Variants in ZEB1 observed in about 807,000 individuals in gnomAD.
ZEB1 encodes the protein zinc finger E-box binding homeobox 1.
Under a neutral mutation model 84.9 loss-of-function variants are expected in ZEB1, and 21 were observed. That is an observed-to-expected ratio of 0.25 (90% CI 0.18 to 0.36). ZEB1 has a LOEUF of 0.36. Among genes scored for constraint, ZEB1 ranks in the 10% least tolerant of loss-of-function variants. ZEB1 has a pLI of 1.00. For missense variants in ZEB1, 1,104 were observed against 1,330.2 expected (o/e 0.83, Z 2.65); for synonymous variants, 420 against 471.1 (o/e 0.89, Z 1.41).
intron 2 of ZEB1, among the ~76,000 whole-genome samples, chr10:31,493,936 T>C (rs1261940626): frequency 6.6e-6 from 1 of 151,992 alleles, no homozygotes; most frequent in Non-Finnish European, 1.5e-5. Flanking sequence ...AACAAATAAA[T>C]TAATCAAATT....
intron 2 of ZEB1, among the ~76,000 whole-genome samples, chr10:31,493,887 G>C (rs1362021167): frequency 2.6e-5 from 4 of 151,984 alleles, no homozygotes; most frequent in Admixed American, 2.0e-4. Context: ...CATCTAAAGA[G>C]CCTAGAATTT....
chr10:31,344,051 T>A (rs2133675403), intron 1 of ZEB1, among the ~76,000 whole-genome samples: 1 of 152,170 alleles, frequency 6.6e-6, no homozygotes, highest in Admixed American at 6.6e-5. Context: ...GTCTTCTCCA[T>A]ACTTTTTCTG....
At chr10:31,381,079 T>G (rs1263608329) in intron 1 of ZEB1, among the ~76,000 whole-genome samples, 1 of 152,188 alleles carries the variant, frequency 6.6e-6, no homozygotes, top group East Asian at 1.9e-4. Flanking sequence ...TAAATGGTGA[T>G]AAACTTAAAT....
chr10:31,406,691 G>T lies in ZEB1; in HGVS notation c.59-54346G>T, dbSNP rs1377874509. ...TCTTTTGCTGTGCAGAAGCTCTTTA[G>T]TTTAATTACATTCATTTGTCAATTT... On this transcript the variant is annotated intron_variant, in intron 1 of 8. Coordinates refer to ENST00000424869, the MANE Select transcript of ZEB1 (RefSeq NM_001174096.2). Among the ~76,000 whole-genome samples the T allele has an allele frequency of 3.3e-5, 5 of 152,042 alleles. No homozygotes were observed. The East Asian group carries it at 9.6e-4, about 29-fold the overall frequency.
Position 31,527,354 on chromosome 10 carries a change from T to C in ZEB1, c.*90T>C. 6.6e-7 allele frequency: 1 copy of C among 1,522,376 alleles called. No homozygotes were observed. The highest frequency in any genetic ancestry group is 8.8e-7 in the Non-Finnish European group (1 of 1,135,058). The allele number at this position is 1,522,376 out of a possible 1,614,324, so 94.3% of individuals were successfully genotyped here. A position where few individuals can be genotyped will look rare whatever the true frequency, so the allele number is the denominator to read the frequency against. On this transcript the variant is annotated 3_prime_UTR_variant, in exon 9 of 9. Coordinates refer to ENST00000424869, the MANE Select transcript of ZEB1 (RefSeq NM_001174096.2). Reference sequence around the variant, plus strand: ...TTTCATGGAAACACAGTAACCTGTATGCTGTGATTCCTGTTCACTACTGTG... The same window carrying C: ...TTTCATGGAAACACAGTAACCTGTACGCTGTGATTCCTGTTCACTACTGTG...
intron 1 of ZEB1, among the ~76,000 whole-genome samples, chr10:31,367,541 A>G (rs2044762710): frequency 6.6e-6 from 1 of 152,220 alleles, no homozygotes; most frequent in Non-Finnish European, 1.5e-5. Flanking sequence ...ATGTGGTAAT[A>G]CGCTATTATC....
intron 2 of ZEB1, among the ~76,000 whole-genome samples, chr10:31,468,780 C>T (rs1407975161): frequency 6.6e-6 from 1 of 152,022 alleles, no homozygotes; most frequent in Non-Finnish European, 1.5e-5. Context: ...AAAAATAATC[C>T]CACCCAAATG....
At chr10:31,427,312 A>G (rs2057073647) in intron 1 of ZEB1, among the ~76,000 whole-genome samples, 1 of 152,158 alleles carries the variant, frequency 6.6e-6, no homozygotes, top group South Asian at 2.1e-4. Flanking sequence ...TAATTGCCAT[A>G]TTCTTAGCCA....
chr10:31,382,133 G>T (rs148673137), intron 1 of ZEB1, among the ~76,000 whole-genome samples: 2 of 151,048 alleles, frequency 1.3e-5, no homozygotes, highest in Admixed American at 1.3e-4. Flanking sequence ...GGCTGACTCA[G>T]ACCTTAGTTT....
chr10:31,321,701 A>G (rs2034116986), intron 1 of ZEB1: 1 of 939,308 alleles, frequency 1.1e-6, no homozygotes, highest in Non-Finnish European at 1.7e-6. Context: ...GAAAGAATGG[A>G]TTTTTCTCCT....
At chr10:31,322,576 G>A (rs1310506551) in intron 1 of ZEB1, among the ~76,000 whole-genome samples, 1 of 152,148 alleles carries the variant, frequency 6.6e-6, no homozygotes, top group African/African-American at 2.4e-5. Flanking sequence ...GTAAGGTTTG[G>A]CCAAAGCATC....
At chr10:31,460,940 A>G (rs977542821) in intron 1 of ZEB1, 97 bp from the exon 2 acceptor site, 41 of 968,824 alleles carry the variant, frequency 4.2e-5, no homozygotes, top group Middle Eastern at 2.6e-4. Flanking sequence ...ACATTGAATT[A>G]CAATCTGTTT....
chr10:31,423,551 A>G (rs2056510714), intron 1 of ZEB1, among the ~76,000 whole-genome samples: 1 of 152,122 alleles, frequency 6.6e-6, no homozygotes, highest in East Asian at 1.9e-4. Flanking sequence ...GTATACTCCC[A>G]AAAGGTTGTG....
chr10:31,407,646 A>G (rs1485756051), intron 1 of ZEB1, among the ~76,000 whole-genome samples: 1 of 152,206 alleles, frequency 6.6e-6, no homozygotes, highest in Non-Finnish European at 1.5e-5. Flanking sequence ...CAAAAACCAC[A>G]TGATTATCTC....
At chr10:31,451,341 T>G (rs1334922194) in intron 1 of ZEB1, among the ~76,000 whole-genome samples, 1 of 152,188 alleles carries the variant, frequency 6.6e-6, no homozygotes, top group Non-Finnish European at 1.5e-5. Flanking sequence ...TCTCTAGGAT[T>G]AAGTAGGCTG....
At chr10:31,486,970 C>G (rs1385603928) in intron 2 of ZEB1, among the ~76,000 whole-genome samples, 1 of 151,356 alleles carries the variant, frequency 6.6e-6, no homozygotes, top group Non-Finnish European at 1.5e-5. Context: ...AGTTTCATTT[C>G]TTCAATATGG....
chr10:31,435,086 T>C (rs1336466323), intron 1 of ZEB1, among the ~76,000 whole-genome samples: 1 of 152,220 alleles, frequency 6.6e-6, no homozygotes, highest in Non-Finnish European at 1.5e-5. Flanking sequence ...TCGGGTTATG[T>C]GGCTAGGCAA....
intron 1 of ZEB1, among the ~76,000 whole-genome samples, chr10:31,396,946 A>T (rs1025266050): frequency 4.6e-5 from 7 of 151,824 alleles, no homozygotes; most frequent in Non-Finnish European, 1.0e-4. Context: ...ATGAGTATGT[A>T]ACAGTCCAGA....
At chr10:31,348,551 G>A (rs2040737577) in intron 1 of ZEB1, among the ~76,000 whole-genome samples, 1 of 152,050 alleles carries the variant, frequency 6.6e-6, no homozygotes, top group East Asian at 1.9e-4. Flanking sequence ...GTGACAGAGT[G>A]AGACTCGGTC....
Sources: gnomAD v4.1 joint callset for allele counts (sites outside exome capture counted in the v4.1 genomes callset) on GRCh38, gnomAD v4.1.1 for gene constraint, MANE v1.5 for transcripts, NCBI Gene and HGNC (gene_info 2026-07-23, HGNC 2026-07-21) for gene names.